RAD51B: variants seen among roughly 807,000 people sequenced by gnomAD.
RAD51B encodes the protein RAD51 paralog B.
In RAD51B, 38 loss-of-function variants were observed where a neutral mutation model predicts 42.2. The ratio of observed to expected loss-of-function variants is 0.90; its 90% CI spans 0.70 to 1.18. The LOEUF is 1.18. RAD51B is among the 50% of genes most tolerant of loss of function. RAD51B has a pLI of 0.00. For synonymous variants in RAD51B, 154 were observed against 145.2 expected, an observed-to-expected ratio of 1.06 and a Z score of -0.43; for missense variants, 373 against 400.7, an observed-to-expected ratio of 0.93 and a Z score of 0.59.
chr14:68,392,685 G>A (rs566451761), intron 8 of RAD51B, among the ~76,000 whole-genome samples: 2 of 151,856 alleles, frequency 1.3e-5, no homozygotes, highest in Non-Finnish European at 2.9e-5. Context: ...TAAGAGCTGG[G>A]AGGAACCTGA....
intron 10 of RAD51B, chr14:68,540,926 G>C (rs1459891446): frequency 1.0e-6 from 1 of 985,344 alleles, no homozygotes; most frequent in Non-Finnish European, 1.2e-6. Context: ...TTTGGAAAGA[G>C]AGGCAGGGCA....
intron 3 of RAD51B, among the ~76,000 whole-genome samples, chr14:67,826,934 C>T (rs1028696143): frequency 3.3e-5 from 5 of 152,122 alleles, no homozygotes; most frequent in African/African-American, 9.7e-5. Flanking sequence ...CCTCCCGCCT[C>T]GGCCTCCCCA....
At chr14:67,866,225 G>A (rs565515900) in intron 5 of RAD51B, among the ~76,000 whole-genome samples, 61 of 152,354 alleles carry the variant, frequency 4.0e-4, no homozygotes, top group African/African-American at 1.4e-3. Context: ...ATCAATTGCT[G>A]TGTGATTAAC....
At chr14:68,625,622 G>A (rs1045290588) in intron 10 of RAD51B, among the ~76,000 whole-genome samples, 6 of 152,178 alleles carry the variant, frequency 3.9e-5, no homozygotes, top group Non-Finnish European at 5.9e-5. Context: ...ACAGAAGGCA[G>A]GGTTCCTGCA....
chr14:67,948,960 C>CAAAAAAAAAAAAAA (rs2074390230), intron 7 of RAD51B, among the ~76,000 whole-genome samples: 1 of 101,394 alleles, frequency 9.9e-6, no homozygotes, highest in African/African-American at 4.7e-5. Context: ...AAAAAAAAAG[C>CAAAAAAAAAAAAAA]AATGTACATA....
chr14:68,654,506 G>A (rs758823409), intron 11 of RAD51B, among the ~76,000 whole-genome samples: 10 of 152,336 alleles, frequency 6.6e-5, no homozygotes, highest in South Asian at 4.1e-4. Flanking sequence ...GTGCCTGGCA[G>A]GCAGATGGCC....
chr14:68,573,558 A>G (rs112138549), intron 10 of RAD51B, among the ~76,000 whole-genome samples: 1 of 152,278 alleles, frequency 6.6e-6, no homozygotes, highest in African/African-American at 2.4e-5. Context: ...ATTTTTCTCC[A>G]TATATTTGTC....
chr14:68,665,126 A>G (rs1450100020), intron 11 of RAD51B, among the ~76,000 whole-genome samples: 2 of 152,254 alleles, frequency 1.3e-5, no homozygotes, highest in Non-Finnish European at 2.9e-5. Flanking sequence ...TTAGAAAACC[A>G]GAGATGTTTC....
At chr14:67,984,677 A>T (rs1167472637) in intron 7 of RAD51B, among the ~76,000 whole-genome samples, 1 of 152,216 alleles carries the variant, frequency 6.6e-6, no homozygotes, top group African/African-American at 2.4e-5. Flanking sequence ...CCACATCAGC[A>T]TAAAACCTTC....
intron 7 of RAD51B, among the ~76,000 whole-genome samples, chr14:67,976,143 G>A (rs1479904603): frequency 6.6e-6 from 1 of 151,558 alleles, no homozygotes; most frequent in African/African-American, 2.4e-5. Flanking sequence ...TTGAGACAAG[G>A]TCTCACTCTG....
intron 7 of RAD51B, among the ~76,000 whole-genome samples, chr14:68,001,627 A>G (rs1021300991): frequency 6.6e-6 from 1 of 152,142 alleles, no homozygotes; most frequent in South Asian, 2.1e-4. Context: ...GGTTTGCTGC[A>G]TAGATCATCT....
intron 7 of RAD51B, among the ~76,000 whole-genome samples, chr14:68,290,675 G>A (rs951398865): frequency 7.2e-5 from 11 of 152,032 alleles, no homozygotes; most frequent in Admixed American, 1.3e-4. Context: ...AAAGAGGAGT[G>A]TTATTTCTTT....
intron 10 of RAD51B, among the ~76,000 whole-genome samples, chr14:68,469,890 A>G (rs959230017): frequency 2.0e-5 from 3 of 152,242 alleles, no homozygotes; most frequent in African/African-American, 4.8e-5. Context: ...GTTAAATAGC[A>G]TTTCTAAGCC....
At chr14:68,351,575 A>G (rs12589872) in intron 8 of RAD51B, among the ~76,000 whole-genome samples, 132,370 of 152,118 alleles carry the variant, frequency 0.87, 57,956 homozygotes, top group East Asian at 0.99. Flanking sequence ...CTAAGAGAGC[A>G]CATTACAGGA....
intron 10 of RAD51B, among the ~76,000 whole-genome samples, chr14:68,520,134 T>C (rs1886469821): frequency 6.6e-6 from 1 of 150,686 alleles, no homozygotes; most frequent in Admixed American, 6.6e-5. Context: ...CAAAGACCAA[T>C]GCACTTTCCT....
intron 11 of RAD51B, among the ~76,000 whole-genome samples, chr14:68,674,573 TA>T (rs1893265765): frequency 6.6e-6 from 1 of 152,136 alleles, no homozygotes; most frequent in African/African-American, 2.4e-5. Context: ...TAAGGTAACA[TA>T]CTGGTTGTAG....
At chr14:67,941,196 A>C (rs1389699817) in intron 7 of RAD51B, among the ~76,000 whole-genome samples, 1 of 152,208 alleles carries the variant, frequency 6.6e-6, no homozygotes, top group Non-Finnish European at 1.5e-5. Context: ...CCAAAAAAAC[A>C]GCATTAAAAA....
At chr14:68,607,985 T>C (rs1336721004) in intron 10 of RAD51B, among the ~76,000 whole-genome samples, 1 of 152,052 alleles carries the variant, frequency 6.6e-6, no homozygotes, top group Non-Finnish European at 1.5e-5. Context: ...CTGGTTTGAG[T>C]GGAAGGAGCC....
At chr14:67,905,873 T>C (rs2043766144) in intron 7 of RAD51B, among the ~76,000 whole-genome samples, 1 of 152,094 alleles carries the variant, frequency 6.6e-6, no homozygotes, top group Admixed American at 6.5e-5. Flanking sequence ...AGATTTCCTC[T>C]CTTCCTGTCT....
Sources: allele counts gnomAD v4.1 joint callset (sites outside exome capture counted in the v4.1 genomes callset), GRCh38; gene constraint gnomAD v4.1.1; transcripts MANE v1.5; gene names NCBI Gene and HGNC (gene_info 2026-07-23, HGNC 2026-07-21).